The following CCDC73 variants were observed in gnomAD, a reference collection of about 807,000 sequenced individuals.
CCDC73 encodes coiled-coil domain-containing protein 73.
Under a neutral mutation model 116.5 loss-of-function variants are expected in CCDC73, and 95 were observed. The observed-to-expected ratio is 0.82, with a 90% CI of 0.69 to 0.97. The LOEUF (loss-of-function observed/expected upper bound fraction) is 0.97. Ranked by LOEUF, CCDC73 falls within the 50% of genes least tolerant of loss-of-function variation. CCDC73 has a pLI of 0.00. For synonymous variants in CCDC73, 398 were observed against 401.3 expected (o/e 0.99, Z 0.10); for missense variants, 1,066 against 1,206.8 (o/e 0.88, Z 1.73).
intron 16 of CCDC73, 95 bp from the exon 17 acceptor site, chr11:32,611,360 A>AC: frequency 9.7e-7 from 1 of 1,025,706 alleles, no homozygotes; most frequent in Non-Finnish European, 1.4e-6. Flanking sequence ...TTTTGTATTT[A>AC]AAAAGCAACA....
chr11:32,771,068 C>T (rs1850489304), intron 1 of CCDC73, among the ~76,000 whole-genome samples: 1 of 152,098 alleles, frequency 6.6e-6, no homozygotes, highest in East Asian at 1.9e-4. Context: ...AGAAATCAGT[C>T]CTAAAAAGAT....
chr11:32,730,344 T>C (rs760514708), intron 2 of CCDC73, among the ~76,000 whole-genome samples: 1 of 152,234 alleles, frequency 6.6e-6, no homozygotes, highest in Non-Finnish European at 1.5e-5. Flanking sequence ...TGCATTATAA[T>C]ATATAGCCTC....
At chr11:32,730,357 G>A (rs1213131091) in intron 2 of CCDC73, among the ~76,000 whole-genome samples, 4 of 152,080 alleles carry the variant, frequency 2.6e-5, no homozygotes, top group Non-Finnish European at 5.9e-5. Flanking sequence ...ATAGCCTCTT[G>A]AATCTGGCTT....
chr11:32,722,345 T>C (rs942530204), intron 2 of CCDC73, among the ~76,000 whole-genome samples: 1 of 152,186 alleles, frequency 6.6e-6, no homozygotes, highest in East Asian at 1.9e-4. Flanking sequence ...CATTCCCTAA[T>C]AATTCATTGG....
intron 14 of CCDC73, among the ~76,000 whole-genome samples, chr11:32,625,883 G>A (rs1443752696): frequency 4.7e-5 from 7 of 149,930 alleles, no homozygotes; most frequent in Non-Finnish European, 1.0e-4. Flanking sequence ...ATACTGAATG[G>A]GCAAAAACTG....
chr11:32,778,755 T>C (rs1445879342), intron 1 of CCDC73, among the ~76,000 whole-genome samples: 1 of 151,872 alleles, frequency 6.6e-6, no homozygotes, highest in African/African-American at 2.4e-5. Flanking sequence ...GCTGAGATCA[T>C]GCCATTGCAC....
At chr11:32,816,928 C>T in the CCDC73 span, among the ~76,000 whole-genome samples, 7 of 152,232 alleles carry the variant, frequency 4.6e-5, no homozygotes, top group Admixed American at 6.5e-5. Context: ...GAACTACAGG[C>T]GCCTGCCACC....
At chr11:32,721,172 A>T (rs1240958731) in intron 2 of CCDC73, among the ~76,000 whole-genome samples, 1 of 152,032 alleles carries the variant, frequency 6.6e-6, no homozygotes, top group African/African-American at 2.4e-5. Flanking sequence ...TTACAGGTAC[A>T]TGCCACCATG....
At chr11:32,619,393 G>T (rs1855502488) in intron 14 of CCDC73, among the ~76,000 whole-genome samples, 1 of 152,220 alleles carries the variant, frequency 6.6e-6, no homozygotes, top group African/African-American at 2.4e-5. Context: ...AAGTTGGACT[G>T]GGTGAAATGG....
At chr11:32,736,964 ACATATATATACATATATATG>A (rs1850136430) in intron 2 of CCDC73, among the ~76,000 whole-genome samples, 1 of 149,634 alleles carries the variant, frequency 6.7e-6, no homozygotes. Context: ...ACACACATAT[ACATATATATACATATATATG>A]TATATATGTA....
intron 1 of CCDC73, among the ~76,000 whole-genome samples, chr11:32,766,152 C>T (rs1293493311): frequency 6.6e-6 from 1 of 152,170 alleles, no homozygotes; most frequent in African/African-American, 2.4e-5. Flanking sequence ...GCTGGTTCAA[C>T]ATATGCAAAT....
chr11:32,607,702 A>G (rs1855373097), intron 17 of CCDC73, among the ~76,000 whole-genome samples: 1 of 152,172 alleles, frequency 6.6e-6, no homozygotes, highest in Non-Finnish European at 1.5e-5. Flanking sequence ...TTAATGATAC[A>G]CACATACACC....
At position 32,635,703 on chromosome 11, in the gene CCDC73, T is replaced by A; in HGVS notation, c.1178A>T (p.Lys393Met). Residue 393 changes from lysine (K) to methionine (M), a missense_variant, in exon 14 of 18, where the codon AAG (lysine) becomes ATG (methionine). Coordinates refer to ENST00000335185, the MANE Select transcript of CCDC73 (RefSeq NM_001008391.4). ...CNQKTFEEDKKFQNVPEVNNE... is the reference protein window; with the variant it reads ...CNQKTFEEDKMFQNVPEVNNE... Reference sequence around the variant, plus strand: ...AACATACTTAAATTTTACCTGAAACTTTTTGTCTTCCTCAAATGTTTTTTG... The same window carrying A: ...AACATACTTAAATTTTACCTGAAACATTTTGTCTTCCTCAAATGTTTTTTG... The A allele has an allele frequency of 7.7e-7, 1 of 1,306,242 alleles. No homozygotes were observed. Among genetic ancestry groups the A allele is most frequent in the Non-Finnish European group, 9.9e-7 (1 of 1,011,184 alleles). 80.9% of individuals were successfully genotyped at this position (1,306,242 alleles called of 1,614,324 possible). A position where few individuals can be genotyped will look rare whatever the true frequency, so the allele number is the denominator to read the frequency against.
At chr11:32,823,888 TTTTTG>T in the CCDC73 span, among the ~76,000 whole-genome samples, 5 of 152,080 alleles carry the variant, frequency 3.3e-5, no homozygotes, top group East Asian at 1.9e-4. Context: ...TGTTTGTTTG[TTTTTG>T]TTTTGTTTTG....
chr11:32,778,516 T>C (rs1384509344), intron 1 of CCDC73, among the ~76,000 whole-genome samples: 2 of 152,036 alleles, frequency 1.3e-5, no homozygotes, highest in Non-Finnish European at 1.5e-5. Context: ...TCTTTTGTAT[T>C]AAGAATCAGA....
At chr11:32,763,513 T>G (rs1850411124) in intron 1 of CCDC73, among the ~76,000 whole-genome samples, 4 of 152,180 alleles carry the variant, frequency 2.6e-5, no homozygotes. Context: ...GGGTCTTGAG[T>G]GGACCTCCAG....
At chr11:32,786,234 T>C (rs1850625132) in intron 1 of CCDC73, among the ~76,000 whole-genome samples, 1 of 151,462 alleles carries the variant, frequency 6.6e-6, no homozygotes, top group Non-Finnish European at 1.5e-5. Context: ...AAATGCTTAC[T>C]GAATCTTTAT....
intron 1 of CCDC73, among the ~76,000 whole-genome samples, chr11:32,762,098 T>G (rs1011667509): frequency 2.6e-5 from 4 of 152,192 alleles, no homozygotes; most frequent in African/African-American, 9.7e-5. Context: ...ACCCAATATC[T>G]GGGTACTACA....
chr11:32,752,958 C>A (rs1850299461), intron 2 of CCDC73, among the ~76,000 whole-genome samples: 1 of 151,954 alleles, frequency 6.6e-6, no homozygotes, highest in Non-Finnish European at 1.5e-5. Context: ...GGGCACATGC[C>A]ATCATGTCCA....
Sources: allele counts gnomAD v4.1 joint callset (sites outside exome capture counted in the v4.1 genomes callset), GRCh38; gene constraint gnomAD v4.1.1; transcripts MANE v1.5; gene names NCBI Gene and HGNC (gene_info 2026-07-23, HGNC 2026-07-21).